ZNF385D: variants seen among roughly 807,000 people sequenced by gnomAD.
ZNF385D encodes zinc finger protein 659.
Under a neutral mutation model 35.8 loss-of-function variants are expected in ZNF385D, and 15 were observed. The ratio of observed to expected loss-of-function variants is 0.42; its 90% CI spans 0.28 to 0.64. The LOEUF (loss-of-function observed/expected upper bound fraction) is 0.64, where lower values mean the gene tolerates loss of function less well. Among genes scored for constraint, ZNF385D ranks in the 30% least tolerant of loss-of-function variants. The pLI is 0.23. For missense variants in ZNF385D, 474 were observed against 494.6 expected, an observed-to-expected ratio of 0.96 and a Z score of 0.39; for synonymous variants, 212 against 186.8, an observed-to-expected ratio of 1.13 and a Z score of -1.10.
At chr3:22,115,633 A>C (rs1395333737) in intron 3 of ZNF385D, among the ~76,000 whole-genome samples, 1 of 152,098 alleles carries the variant, frequency 6.6e-6, no homozygotes, top group Non-Finnish European at 1.5e-5. Context: ...ATTTTACTGG[A>C]GTTGAATCTC....
At chr3:22,063,049 C>T (rs1699768359) in intron 3 of ZNF385D, among the ~76,000 whole-genome samples, 1 of 152,010 alleles carries the variant, frequency 6.6e-6, no homozygotes, top group African/African-American at 2.4e-5. Flanking sequence ...TTATTTAATC[C>T]ATTAATCTGG....
intron 3 of ZNF385D, among the ~76,000 whole-genome samples, chr3:21,785,718 C>T (rs1255237005): frequency 1.3e-5 from 2 of 152,182 alleles, no homozygotes; most frequent in Non-Finnish European, 2.9e-5. Context: ...CAATAACAAA[C>T]TCAATTCAAC....
At chr3:21,435,775 G>A (rs975368575) in intron 5 of ZNF385D, among the ~76,000 whole-genome samples, 2 of 152,142 alleles carry the variant, frequency 1.3e-5, no homozygotes, top group African/African-American at 4.8e-5. Flanking sequence ...TGGAAAATCT[G>A]CAAGGTATAG....
chr3:21,547,766 G>A (rs2062427654), intron 3 of ZNF385D, among the ~76,000 whole-genome samples: 2 of 151,766 alleles, frequency 1.3e-5, no homozygotes, highest in Non-Finnish European at 2.9e-5. Context: ...ACAGGCACCC[G>A]CCACCATGCC....
chr3:22,064,273 T>C (rs945253927), intron 3 of ZNF385D, among the ~76,000 whole-genome samples: 2 of 152,084 alleles, frequency 1.3e-5, no homozygotes, highest in Non-Finnish European at 2.9e-5. Flanking sequence ...CTAACACAAA[T>C]GGTGTTGTTT....
intron 2 of ZNF385D, among the ~76,000 whole-genome samples, chr3:22,286,372 A>G (rs533445302): frequency 1.3e-5 from 2 of 152,002 alleles, no homozygotes; most frequent in East Asian, 3.9e-4. Context: ...TTAATATTTT[A>G]TATTGTTTTC....
chr3:21,981,123 G>C (rs926176105), intron 3 of ZNF385D, among the ~76,000 whole-genome samples: 12 of 152,100 alleles, frequency 7.9e-5, no homozygotes, highest in Admixed American at 2.6e-4. Flanking sequence ...TGTACTTTTA[G>C]CTCACTGAGG....
At chr3:21,948,980 C>T (rs1176029702) in intron 3 of ZNF385D, among the ~76,000 whole-genome samples, 1 of 152,074 alleles carries the variant, frequency 6.6e-6, no homozygotes, top group African/African-American at 2.4e-5. Context: ...TCCTTCAATA[C>T]ATTGGGTTTT....
intron 3 of ZNF385D, among the ~76,000 whole-genome samples, chr3:21,965,540 G>C (rs911282471): frequency 6.6e-6 from 1 of 152,046 alleles, no homozygotes; most frequent in Non-Finnish European, 1.5e-5. Flanking sequence ...AAACAAGAAA[G>C]ATAAAGAAAG....
At chr3:22,274,300 C>G (rs1369299433) in intron 2 of ZNF385D, among the ~76,000 whole-genome samples, 1 of 151,582 alleles carries the variant, frequency 6.6e-6, no homozygotes, top group Non-Finnish European at 1.5e-5. Context: ...CTGAATGAAC[C>G]TTATAGAAAA....
intron 1 of ZNF385D, among the ~76,000 whole-genome samples, chr3:21,716,232 T>C (rs1034424671): frequency 2.0e-5 from 3 of 152,042 alleles, no homozygotes; most frequent in African/African-American, 7.2e-5. Flanking sequence ...CTTGTCCATA[T>C]TCAAGCTATT....
At chr3:22,033,098 A>C (rs1265008078) in intron 3 of ZNF385D, among the ~76,000 whole-genome samples, 1 of 152,094 alleles carries the variant, frequency 6.6e-6, no homozygotes, top group Non-Finnish European at 1.5e-5. Flanking sequence ...TGCGAGGTCA[A>C]AGAGTATAGA....
chr3:21,852,563 G>C (rs1228060267), intron 3 of ZNF385D, among the ~76,000 whole-genome samples: 1 of 151,864 alleles, frequency 6.6e-6, no homozygotes, highest in Admixed American at 6.6e-5. Context: ...TTTATCAAAA[G>C]AATTCTGAAA....
At chr3:22,321,175 T>G (rs933717574) in intron 2 of ZNF385D, among the ~76,000 whole-genome samples, 1 of 148,194 alleles carries the variant, frequency 6.7e-6, no homozygotes, top group Non-Finnish European at 1.5e-5. Flanking sequence ...TTTTTTTTTT[T>G]TTTTTTTTTT....
At chr3:22,042,367 T>C (rs1394592611) in intron 3 of ZNF385D, among the ~76,000 whole-genome samples, 3 of 152,140 alleles carry the variant, frequency 2.0e-5, no homozygotes, top group African/African-American at 7.2e-5. Context: ...TACTATACAG[T>C]TGACGATGAA....
At chr3:22,334,026 A>C (rs557049748) in intron 2 of ZNF385D, among the ~76,000 whole-genome samples, 1 of 152,178 alleles carries the variant, frequency 6.6e-6, no homozygotes, top group Non-Finnish European at 1.5e-5. Context: ...TGCTTATTTC[A>C]TCTTACCTAG....
chr3:21,906,163 C>G (rs1380009887), intron 3 of ZNF385D, among the ~76,000 whole-genome samples: 4 of 152,178 alleles, frequency 2.6e-5, no homozygotes, highest in Non-Finnish European at 5.9e-5. Context: ...TTACTTCCTT[C>G]AAATCATTTG....
At chr3:21,545,476 G>GT (rs1052853736) in intron 3 of ZNF385D, among the ~76,000 whole-genome samples, 8 of 152,274 alleles carry the variant, frequency 5.3e-5, no homozygotes, top group Non-Finnish European at 1.2e-4. Flanking sequence ...ACTATTTAAA[G>GT]TTTTTTAATA....
chr3:22,329,051 T>C (rs1694810358), intron 2 of ZNF385D, among the ~76,000 whole-genome samples: 1 of 120,760 alleles, frequency 8.3e-6, no homozygotes, highest in Non-Finnish European at 1.6e-5. Context: ...CACTCCAGCC[T>C]GGGCGACAGA....
Sources: gnomAD v4.1 joint callset for allele counts (sites outside exome capture counted in the v4.1 genomes callset) on GRCh38, gnomAD v4.1.1 for gene constraint, MANE v1.5 for transcripts, NCBI Gene and HGNC (gene_info 2026-07-23, HGNC 2026-07-21) for gene names.